Variants in IL1RAPL1 observed in about 807,000 individuals in gnomAD.
IL1RAPL1 encodes interleukin-1 receptor accessory protein-like 1.
In IL1RAPL1, 3 loss-of-function variants were observed where a neutral mutation model predicts 48.4. That is an observed-to-expected ratio of 0.06 (90% CI 0.03 to 0.16). The LOEUF (loss-of-function observed/expected upper bound fraction) is 0.16. IL1RAPL1 is among the 10% of genes least tolerant of loss of function. The pLI is 1.00. For missense variants in IL1RAPL1, 349 were observed against 530.6 expected, an observed-to-expected ratio of 0.66 and a Z score of 3.36; for synonymous variants, 185 against 187.7, an observed-to-expected ratio of 0.99 and a Z score of 0.12.
chrX:29,554,483 T>C (rs1246168420), intron 5 of IL1RAPL1, among the ~76,000 whole-genome samples: 2 of 111,513 alleles, frequency 1.8e-5, no homozygotes, highest in Non-Finnish European at 3.8e-5. Flanking sequence ...TTTCAAACTT[T>C]GTAATTTTCC....
intron 6 of IL1RAPL1, among the ~76,000 whole-genome samples, chrX:29,822,154 A>G (rs999807442): frequency 8.9e-6 from 1 of 111,828 alleles, no homozygotes; most frequent in Non-Finnish European, 1.9e-5. Context: ...TTAAATTTCA[A>G]TCAGTTTGTT....
intron 5 of IL1RAPL1, among the ~76,000 whole-genome samples, chrX:29,459,507 G>T (rs1470113498): frequency 1.8e-5 from 2 of 111,316 alleles, no homozygotes; most frequent in African/African-American, 6.5e-5. Flanking sequence ...GTAAGGGACT[G>T]TAAACAAGCG....
At chrX:29,789,798 T>TTTTTTTTTTTTA (rs1491464024) in intron 6 of IL1RAPL1, among the ~76,000 whole-genome samples, 1 of 90,404 alleles carries the variant, frequency 1.1e-5, no homozygotes, top group African/African-American at 4.2e-5. Flanking sequence ...TTTTTTTTTT[T>TTTTTTTTTTTTA]ATCTCAAAGT....
rs182294006 is a variant in IL1RAPL1, at chrX:29,711,012, T to C, written c.778+42508T>C. On this transcript the variant is annotated intron_variant, in intron 6 of 10. Coordinates refer to ENST00000378993, the MANE Select transcript of IL1RAPL1 (RefSeq NM_014271.4). Reference sequence around the variant, plus strand: ...TTTAGAGAATCATCACCTTTATCTTTATAATTCTGAGTCTTTTTATCCATG... The same window carrying C: ...TTTAGAGAATCATCACCTTTATCTTCATAATTCTGAGTCTTTTTATCCATG... 8.4e-3 allele frequency among the ~76,000 whole-genome samples: 841 copies of C among 100,210 alleles called. 5 individuals are homozygous for C. Among genetic ancestry groups the C allele is most frequent in the African/African-American group, 0.027 (773 of 28,154 alleles). The allele number at this position is 100,210 out of a possible 115,157, so 87.0% of individuals were successfully genotyped here.
chrX:29,856,105 A>T (rs1931472681), intron 6 of IL1RAPL1, among the ~76,000 whole-genome samples: 2 of 112,044 alleles, frequency 1.8e-5, no homozygotes, highest in South Asian at 7.3e-4. Context: ...CTATTCCATG[A>T]ATTGAGAGTT....
intron 6 of IL1RAPL1, among the ~76,000 whole-genome samples, chrX:29,912,182 C>T (rs1019192494): frequency 9.0e-6 from 1 of 111,287 alleles, no homozygotes; most frequent in Non-Finnish European, 1.9e-5. Flanking sequence ...TGGAATAATA[C>T]CACTGAAATA....
chrX:29,129,887 C>A (rs1479423023), intron 2 of IL1RAPL1, among the ~76,000 whole-genome samples: 1 of 111,293 alleles, frequency 9.0e-6, no homozygotes, highest in African/African-American at 3.3e-5. Context: ...AGCCACTGCG[C>A]CCGGCCAATA....
At chrX:29,526,583 A>C (rs749202918) in intron 5 of IL1RAPL1, among the ~76,000 whole-genome samples, 1 of 112,128 alleles carries the variant, frequency 8.9e-6, no homozygotes, top group Admixed American at 9.5e-5. Context: ...AATTTGACAG[A>C]CAAAATTCGA....
intron 3 of IL1RAPL1, among the ~76,000 whole-genome samples, chrX:29,364,668 A>G (rs1703003795): frequency 9.0e-6 from 1 of 111,298 alleles, no homozygotes; most frequent in African/African-American, 3.3e-5. Context: ...AAAACAGTGT[A>G]ACAACTATTT....
chrX:28,923,165 G>A (rs1174600690), intron 2 of IL1RAPL1, among the ~76,000 whole-genome samples: 2 of 111,132 alleles, frequency 1.8e-5, no homozygotes, highest in African/African-American at 3.3e-5. Flanking sequence ...AGATTTGTAC[G>A]TTTCTTTTTC....
intron 2 of IL1RAPL1, among the ~76,000 whole-genome samples, chrX:29,122,396 T>TTCTCTC (rs1297656764): frequency 4.2e-5 from 3 of 71,356 alleles, no homozygotes; most frequent in South Asian, 1.7e-3. Context: ...CTCTCTCTCT[T>TTCTCTC]TCTCTCTCTC....
At chrX:28,762,781 C>CGT (rs1263368345) in intron 1 of IL1RAPL1, among the ~76,000 whole-genome samples, 16 of 66,336 alleles carry the variant, frequency 2.4e-4, no homozygotes, top group African/African-American at 9.7e-4. Context: ...AATACGCACG[C>CGT]GCGCGCACAC....
chrX:29,347,927 A>G (rs184941027), intron 3 of IL1RAPL1, among the ~76,000 whole-genome samples: 1 of 111,652 alleles, frequency 9.0e-6, no homozygotes, highest in Non-Finnish European at 1.9e-5. Context: ...ACACTGGACA[A>G]AGGCATGGTT....
chrX:29,262,842 G>A (rs1040667678), intron 2 of IL1RAPL1, among the ~76,000 whole-genome samples: 4 of 110,886 alleles, frequency 3.6e-5, no homozygotes, highest in Non-Finnish European at 7.5e-5. Context: ...GTTTCAAAAT[G>A]TAAAATCCAA....
At chrX:29,121,689 T>C (rs1928789722) in intron 2 of IL1RAPL1, among the ~76,000 whole-genome samples, 1 of 111,920 alleles carries the variant, frequency 8.9e-6, no homozygotes, top group South Asian at 3.7e-4. Flanking sequence ...ACTCATGTGA[T>C]TCAGTTGAGA....
intron 1 of IL1RAPL1, among the ~76,000 whole-genome samples, chrX:28,667,796 A>C (rs377594862): frequency 1.8e-5 from 2 of 111,886 alleles, no homozygotes; most frequent in African/African-American, 6.5e-5. Flanking sequence ...GCAGAATGCT[A>C]TCTTCTTATA....
intron 2 of IL1RAPL1, among the ~76,000 whole-genome samples, chrX:29,081,025 T>TCTCTCTCTCTCTC (rs56240244): frequency 1.1e-4 from 5 of 44,621 alleles, no homozygotes; most frequent in East Asian, 7.8e-4. Flanking sequence ...TCTCTCTTTC[T>TCTCTCTCTCTCTC]TTTCTTTTCT....
intron 2 of IL1RAPL1, among the ~76,000 whole-genome samples, chrX:28,908,579 AT>A (rs762143180): frequency 2.7e-5 from 3 of 111,749 alleles, no homozygotes; most frequent in African/African-American, 9.7e-5. Flanking sequence ...ATTCCTTTAT[AT>A]TTGTTAAAGT....
At chrX:28,819,909 C>T (rs770395045) in intron 2 of IL1RAPL1, among the ~76,000 whole-genome samples, 142 of 93,979 alleles carry the variant, frequency 1.5e-3, no homozygotes, top group African/African-American at 5.3e-3. Flanking sequence ...TATTTTCTCC[C>T]CACAGATAAA....
Sources: gnomAD v4.1 joint callset for allele counts (sites outside exome capture counted in the v4.1 genomes callset) on GRCh38, gnomAD v4.1.1 for gene constraint, MANE v1.5 for transcripts, NCBI Gene and HGNC (gene_info 2026-07-23, HGNC 2026-07-21) for gene names.